CDH10: variants seen among roughly 807,000 people sequenced by gnomAD.
The protein encoded by CDH10 is cadherin 10.
In CDH10, 30 loss-of-function variants were observed where a neutral mutation model predicts 73.1. The observed-to-expected ratio is 0.41, with a 90% CI of 0.31 to 0.56. The LOEUF (loss-of-function observed/expected upper bound fraction) is 0.56. Among genes scored for constraint, CDH10 ranks in the 20% least tolerant of loss-of-function variants. CDH10 has a pLI of 0.27. For synonymous variants in CDH10, 345 were observed against 348.2 expected (o/e 0.99, Z 0.10); for missense variants, 815 against 973.7 (o/e 0.84, Z 2.17).
chr5:24,524,583 G>A (rs1238283668), intron 5 of CDH10, among the ~76,000 whole-genome samples: 1 of 151,912 alleles, frequency 6.6e-6, no homozygotes, highest in Non-Finnish European at 1.5e-5. Context: ...TTCATTTCCA[G>A]GTGTCAGATT....
At chr5:24,631,261 A>T (rs1747696527) in intron 1 of CDH10, among the ~76,000 whole-genome samples, 1 of 152,014 alleles carries the variant, frequency 6.6e-6, no homozygotes, top group Non-Finnish European at 1.5e-5. Flanking sequence ...TTTCTGTGAA[A>T]TTTTCATAGT....
At chr5:24,535,955 G>T in intron 3 of CDH10, 133 bp from the exon 4 acceptor site, 1 of 515,020 alleles carries the variant, frequency 1.9e-6, no homozygotes, top group Non-Finnish European at 3.3e-6. Context: ...ATATAATTTG[G>T]ATGAATATGT....
intron 11 of CDH10, among the ~76,000 whole-genome samples, chr5:24,488,438 A>C (rs1455343401): frequency 1.3e-5 from 2 of 152,142 alleles, no homozygotes; most frequent in African/African-American, 4.8e-5. Flanking sequence ...GGAACCATTT[A>C]GTTCCTCATT....
intron 9 of CDH10, among the ~76,000 whole-genome samples, chr5:24,495,791 G>A (rs531242856): frequency 6.6e-6 from 1 of 151,236 alleles, no homozygotes; most frequent in East Asian, 2.0e-4. Context: ...GGCGGAGGTT[G>A]CAGTGAGCCG....
intron 2 of CDH10, among the ~76,000 whole-genome samples, chr5:24,566,522 A>C (rs1421522493): frequency 6.6e-6 from 1 of 152,140 alleles, no homozygotes; most frequent in Non-Finnish European, 1.5e-5. Context: ...GAATAACCGA[A>C]GAGAATTGAT....
At chr5:24,563,784 A>C (rs2111998036) in intron 2 of CDH10, among the ~76,000 whole-genome samples, 1 of 148,948 alleles carries the variant, frequency 6.7e-6, no homozygotes, top group South Asian at 2.1e-4. Flanking sequence ...CCAAAAAAAA[A>C]AAAAAAAAAA....
intron 1 of CDH10, among the ~76,000 whole-genome samples, chr5:24,640,750 T>C (rs1295674766): frequency 1.3e-5 from 2 of 151,962 alleles, no homozygotes; most frequent in African/African-American, 2.4e-5. Flanking sequence ...TTCCTTCTTA[T>C]TTAATTTGCA....
At chr5:24,607,066 G>A (rs145785012) in intron 1 of CDH10, among the ~76,000 whole-genome samples, 1 of 152,036 alleles carries the variant, frequency 6.6e-6, no homozygotes, top group Non-Finnish European at 1.5e-5. Context: ...TATTTCCTCA[G>A]CTTGGCCTGG....
Position 24,548,625 on chromosome 5 carries a change from C to T in CDH10, c.232-10951G>A, listed in dbSNP as rs143156162. Among the ~76,000 whole-genome samples, 1,402 of 151,892 alleles carry T rather than the reference C, an allele frequency of 9.2e-3. 23 individuals are homozygous for T. The highest frequency in any genetic ancestry group is 0.03 in the African/African-American group (1,256 of 41,428). ...GTTAAGCAGATCTAAAAAATACCTT[C>T]ATAGCCACAATGAGACTAGTTAGTT... is the stretch of plus-strand genomic sequence containing the variant. On this transcript the variant is annotated intron_variant, in intron 2 of 11. Transcript: ENST00000264463.
intron 5 of CDH10, among the ~76,000 whole-genome samples, chr5:24,533,557 T>G (rs1337378516): frequency 6.6e-6 from 1 of 152,056 alleles, no homozygotes; most frequent in Non-Finnish European, 1.5e-5. Flanking sequence ...TTATTACTGA[T>G]AAAATACTTT....
chr5:24,622,631 C>T (rs953831634), intron 1 of CDH10, among the ~76,000 whole-genome samples: 2 of 152,122 alleles, frequency 1.3e-5, no homozygotes, highest in African/African-American at 4.8e-5. Context: ...TGAATACAGA[C>T]TCTAACTCCT....
chr5:24,597,043 T>A (rs1746394061), intron 1 of CDH10, among the ~76,000 whole-genome samples: 1 of 152,006 alleles, frequency 6.6e-6, no homozygotes, highest in African/African-American at 2.4e-5. Flanking sequence ...ATAATTTCAG[T>A]CCCAGTTAAT....
At chr5:24,639,847 T>C (rs749456871) in intron 1 of CDH10, among the ~76,000 whole-genome samples, 2 of 151,820 alleles carry the variant, frequency 1.3e-5, no homozygotes, top group Non-Finnish European at 3.0e-5. Flanking sequence ...CAATAACTTA[T>C]GCATTGAGCA....
At chr5:24,520,482 A>G (rs1323006936) in intron 5 of CDH10, among the ~76,000 whole-genome samples, 3 of 152,196 alleles carry the variant, frequency 2.0e-5, no homozygotes, top group African/African-American at 7.2e-5. Flanking sequence ...ACACATAGTT[A>G]CATACACATA....
intron 2 of CDH10, among the ~76,000 whole-genome samples, chr5:24,560,208 G>GTGTA (rs1483429411): frequency 0.024 from 236 of 9,924 alleles, 2 homozygotes; most frequent in African/African-American, 0.028. Context: ...AATTGTGTGT[G>GTGTA]TGTGTGTGTG....
chr5:24,504,568 C>T (rs1442045920), intron 8 of CDH10, among the ~76,000 whole-genome samples: 2 of 127,158 alleles, frequency 1.6e-5, no homozygotes, highest in Non-Finnish European at 3.2e-5. Context: ...CTCTGTCGCC[C>T]GGGCTGGAGT....
intron 8 of CDH10, among the ~76,000 whole-genome samples, chr5:24,504,663 C>A (rs1002978427): frequency 3.3e-5 from 5 of 151,410 alleles, no homozygotes; most frequent in African/African-American, 1.2e-4. Context: ...GTAGCTGGGA[C>A]TACAGGCGCC....
intron 2 of CDH10, among the ~76,000 whole-genome samples, chr5:24,541,391 C>A (rs1441031187): frequency 6.6e-6 from 1 of 151,956 alleles, no homozygotes; most frequent in African/African-American, 2.4e-5. Context: ...ACTTCCTATT[C>A]CAATTCATTG....
chr5:24,617,933 T>A lies in CDH10; in HGVS notation c.-123-24320A>T, dbSNP rs572008046. 4.6e-5 allele frequency among the ~76,000 whole-genome samples: 7 copies of A among 152,304 alleles called. No homozygotes were observed. In the South Asian group the frequency reaches 1.5e-3, roughly 32 times the overall value. ...TTAGAATTGTAAGGAATCTTAGCAATCAGTCTGTTCCCCACCCTCTATTTT... is the reference window on the plus strand; with the variant it reads ...TTAGAATTGTAAGGAATCTTAGCAAACAGTCTGTTCCCCACCCTCTATTTT... On this transcript the variant is annotated intron_variant, in intron 1 of 11. Coordinates refer to ENST00000264463, the MANE Select transcript of CDH10 (RefSeq NM_006727.5).
Sources: allele counts gnomAD v4.1 joint callset (sites outside exome capture counted in the v4.1 genomes callset), GRCh38; gene constraint gnomAD v4.1.1; transcripts MANE v1.5; gene names NCBI Gene and HGNC (gene_info 2026-07-23, HGNC 2026-07-21).